Variants in R3HDM1 observed in about 807,000 individuals in gnomAD.
The protein encoded by R3HDM1 is R3H domain containing 1.
In R3HDM1, 46 loss-of-function variants were observed where a neutral mutation model predicts 141.1. The observed-to-expected ratio is 0.33, with a 90% confidence interval of 0.26 to 0.42. The LOEUF is 0.42. Ranked by LOEUF, R3HDM1 falls within the 10% of genes least tolerant of loss-of-function variation. R3HDM1 has a pLI of 1.00. For synonymous variants in R3HDM1, 435 were observed against 472.9 expected, an observed-to-expected ratio of 0.92 and a Z score of 1.04; for missense variants, 1,184 against 1,368.3, an observed-to-expected ratio of 0.87 and a Z score of 2.12.
At chr2:135,669,145 T>G in intron 19 of R3HDM1, 4 of 984,452 alleles carry the variant, frequency 4.1e-6, no homozygotes, top group Non-Finnish European at 4.8e-6. Context: ...ATAATCTAAT[T>G]ATAGTAAGGC....
chr2:135,539,976 A>G (rs1434554569), intron 1 of R3HDM1, among the ~76,000 whole-genome samples: 6 of 152,242 alleles, frequency 3.9e-5, no homozygotes, highest in African/African-American at 1.4e-4. Context: ...ATGTGCTGCT[A>G]TTTGAAAGCA....
intron 5 of R3HDM1, among the ~76,000 whole-genome samples, chr2:135,617,089 C>T (rs920119287): frequency 2.0e-5 from 3 of 151,908 alleles, no homozygotes; most frequent in Admixed American, 6.6e-5. Context: ...TTTGGGAAGC[C>T]GAGGTGGGCA....
chr2:135,567,466 T>G (rs1703064661), intron 1 of R3HDM1, among the ~76,000 whole-genome samples: 1 of 152,224 alleles, frequency 6.6e-6, no homozygotes, highest in Non-Finnish European at 1.5e-5. Context: ...GGAAGGGGTC[T>G]AGGGGCTTAC....
chr2:135,559,733 ACTAGTTGAT>A (rs1429321434), intron 1 of R3HDM1, among the ~76,000 whole-genome samples: 1 of 152,172 alleles, frequency 6.6e-6, no homozygotes, highest in Non-Finnish European at 1.5e-5. Context: ...GTCTCTTATC[ACTAGTTGAT>A]TGAAGGAACT....
intron 1 of R3HDM1, among the ~76,000 whole-genome samples, chr2:135,571,835 A>C (rs936026844): frequency 1.3e-5 from 2 of 152,206 alleles, no homozygotes; most frequent in Non-Finnish European, 2.9e-5. Context: ...CATGCTGCCT[A>C]GGCTAGTCTC....
At position 135,645,297 on chromosome 2, in the gene R3HDM1, A is replaced by G. The variant is rs2064273816; in HGVS notation, c.1475-82A>G. 53 of 1,219,312 alleles carry G rather than the reference A, an allele frequency of 4.3e-5. No individual in the cohort carries two copies. In the South Asian group the frequency reaches 7.3e-4, roughly 17 times the overall value. 75.5% of individuals were successfully genotyped at this position (1,219,312 alleles called of 1,614,324 possible). The stretch of plus-strand genomic sequence containing the variant: ...TAATTGTGGTTAAAGGATTTTGGAC[A>G]TGCTTTGTAAATTGTTAGTAAAAGG... On this transcript the variant is annotated intron_variant, in intron 15 of 26. Coordinates refer to ENST00000683871, the MANE Select transcript of R3HDM1 (RefSeq NM_001378107.1).
At chr2:135,589,973 C>T (rs959786405) in intron 1 of R3HDM1, among the ~76,000 whole-genome samples, 7 of 151,844 alleles carry the variant, frequency 4.6e-5, no homozygotes, top group African/African-American at 1.7e-4. Context: ...CCAAGCAGTC[C>T]CTAAAAGCAT....
intron 15 of R3HDM1, 131 bp from the exon 16 acceptor site, chr2:135,645,248 T>C (rs1337478973): frequency 3.9e-6 from 3 of 774,000 alleles, no homozygotes; most frequent in Non-Finnish European, 6.0e-6. Flanking sequence ...GAAATCTTTG[T>C]TTTCAAATAT....
At chr2:135,614,181 T>C (rs935493383) in intron 3 of R3HDM1, among the ~76,000 whole-genome samples, 1 of 152,214 alleles carries the variant, frequency 6.6e-6, no homozygotes, top group Non-Finnish European at 1.5e-5. Context: ...TCCTTTATCT[T>C]TTCCTCATTT....
chr2:135,552,221 G>C (rs756065096), intron 1 of R3HDM1, among the ~76,000 whole-genome samples: 1 of 151,756 alleles, frequency 6.6e-6, no homozygotes, highest in South Asian at 2.1e-4. Context: ...GGAGGGACAG[G>C]GTCTTGCTCT....
At position 135,541,681 on chromosome 2, in the gene R3HDM1, G is replaced by A. The variant is rs544269377; in HGVS notation, c.-250+10048G>A. On this transcript the variant is annotated intron_variant, in intron 1 of 26. Coordinates refer to ENST00000683871, the MANE Select transcript of R3HDM1 (RefSeq NM_001378107.1). ...TGTGGTCCCCTAAAACAATTACAGT[G>A]GTAAAGATCACTGATTGCAGATCAC... is the stretch of plus-strand genomic sequence containing the variant. Among the ~76,000 whole-genome samples the A allele has an allele frequency of 2.4e-4, 36 of 151,866 alleles. No homozygotes were observed. In the South Asian group the frequency reaches 6.4e-3, roughly 27 times the overall value.
intron 6 of R3HDM1, 49 bp from the exon 7 acceptor site, chr2:135,622,605 C>T (rs1040767163): frequency 6.5e-7 from 1 of 1,528,574 alleles, no homozygotes; most frequent in Non-Finnish European, 8.8e-7. Flanking sequence ...GGGAATGGGA[C>T]TTGTTTTCAA....
chr2:135,578,224 GC>G (rs1440564381), intron 1 of R3HDM1, among the ~76,000 whole-genome samples: 1 of 152,198 alleles, frequency 6.6e-6, no homozygotes, highest in Non-Finnish European at 1.5e-5. Flanking sequence ...TGAACTACTT[GC>G]AGTGCAATTA....
intron 1 of R3HDM1, among the ~76,000 whole-genome samples, chr2:135,545,724 C>G (rs1225924354): frequency 6.6e-6 from 1 of 152,136 alleles, no homozygotes; most frequent in Non-Finnish European, 1.5e-5. Context: ...CCACAGTAGT[C>G]TCTTCATCCC....
At chr2:135,588,323 G>C (rs1235706070) in intron 1 of R3HDM1, among the ~76,000 whole-genome samples, 1 of 151,074 alleles carries the variant, frequency 6.6e-6, no homozygotes, top group African/African-American at 2.4e-5. Context: ...TGTCTCCCTG[G>C]CTACACCTCT....
intron 21 of R3HDM1, among the ~76,000 whole-genome samples, chr2:135,695,930 A>G (rs2073170860): frequency 6.6e-6 from 1 of 152,228 alleles, no homozygotes; most frequent in South Asian, 2.1e-4. Context: ...AGGCTTAAAA[A>G]ACAAATATAT....
chr2:135,556,716 C>T (rs1206742641), intron 1 of R3HDM1, among the ~76,000 whole-genome samples: 2 of 152,102 alleles, frequency 1.3e-5, no homozygotes, highest in African/African-American at 2.4e-5. Context: ...GACAGGGTTT[C>T]ACCGTGTTAG....
intron 1 of R3HDM1, among the ~76,000 whole-genome samples, chr2:135,556,029 G>A (rs989237161): frequency 6.6e-6 from 1 of 152,068 alleles, no homozygotes; most frequent in African/African-American, 2.4e-5. Flanking sequence ...TGGGGGGATG[G>A]GGGGAGGGAA....
chr2:135,535,477 G>A (rs1695873957), intron 1 of R3HDM1, among the ~76,000 whole-genome samples: 1 of 150,356 alleles, frequency 6.7e-6, no homozygotes, highest in South Asian at 2.1e-4. Context: ...CCAGCCTGGC[G>A]ACAGAGCAAG....
Sources: allele counts gnomAD v4.1 joint callset (sites outside exome capture counted in the v4.1 genomes callset), GRCh38; gene constraint gnomAD v4.1.1; transcripts MANE v1.5; gene names NCBI Gene and HGNC (gene_info 2026-07-23, HGNC 2026-07-21).